The following DPYD variants were observed in gnomAD, a reference collection of about 807,000 sequenced individuals.
DPYD encodes dihydropyrimidine dehydrogenase, also known as dihydropyrimidine dehydrogenase [NADP(+)].
A neutral mutation model predicts 116.2 loss-of-function variants in DPYD; 109 were observed. That is an observed-to-expected ratio of 0.94 (90% CI 0.80 to 1.10). DPYD has a LOEUF of 1.10. Among genes scored for constraint, DPYD ranks in the 50% least tolerant of loss-of-function variants. The pLI is 0.00. For missense variants in DPYD, 1,302 were observed against 1,254.5 expected, an observed-to-expected ratio of 1.04 and a Z score of -0.57; for synonymous variants, 440 against 432.0, an observed-to-expected ratio of 1.02 and a Z score of -0.23.
intron 12 of DPYD, among the ~76,000 whole-genome samples, chr1:97,526,934 G>A (rs944277122): frequency 6.6e-6 from 1 of 152,044 alleles, no homozygotes; most frequent in Non-Finnish European, 1.5e-5. Context: ...CGATTTTTAA[G>A]GTATGCATTA....
chr1:97,712,425 T>A (rs1662342151), intron 5 of DPYD, among the ~76,000 whole-genome samples: 1 of 152,092 alleles, frequency 6.6e-6, no homozygotes, highest in African/African-American at 2.4e-5. Flanking sequence ...CCGTTGATTT[T>A]TTTATTTTAT....
chr1:97,266,868 T>G (rs1441281637), intron 18 of DPYD, among the ~76,000 whole-genome samples: 1 of 152,182 alleles, frequency 6.6e-6, no homozygotes, highest in Non-Finnish European at 1.5e-5. Flanking sequence ...CTCATCCTTT[T>G]TTATAGCTGC....
chr1:97,671,582 A>G (rs1659861326), intron 8 of DPYD, among the ~76,000 whole-genome samples: 1 of 152,130 alleles, frequency 6.6e-6, no homozygotes, highest in East Asian at 1.9e-4. Flanking sequence ...ATAATCTCAA[A>G]ATTTCTCAAC....
intron 2 of DPYD, chr1:97,856,264 G>A (rs754779467): frequency 6.6e-6 from 1 of 152,092 alleles, no homozygotes; most frequent in Non-Finnish European, 1.5e-5. Context: ...CTGAATCAAA[G>A]AAATGAAATA....
At chr1:97,695,947 T>A (rs538134170) in intron 6 of DPYD, among the ~76,000 whole-genome samples, 94 of 151,810 alleles carry the variant, frequency 6.2e-4, no homozygotes, top group Non-Finnish European at 1.3e-4. Flanking sequence ...CTGGCCAACA[T>A]GATGAAATCC....
intron 8 of DPYD, among the ~76,000 whole-genome samples, chr1:97,603,360 G>C (rs955492899): frequency 2.0e-5 from 3 of 152,164 alleles, no homozygotes; most frequent in African/African-American, 7.2e-5. Flanking sequence ...CTGCTGTGGA[G>C]ATGAGGCAGT....
At chr1:97,354,285 T>C (rs1670304204) in intron 16 of DPYD, among the ~76,000 whole-genome samples, 1 of 152,190 alleles carries the variant, frequency 6.6e-6, no homozygotes, top group African/African-American at 2.4e-5. Flanking sequence ...GCACTTTCTC[T>C]TTCTGTCCTC....
chr1:97,330,757 C>A (rs1668944357), intron 16 of DPYD, among the ~76,000 whole-genome samples: 1 of 152,066 alleles, frequency 6.6e-6, no homozygotes. Flanking sequence ...ACAAATTATC[C>A]ATTTGCTTTT....
At chr1:97,270,595 G>T (rs961921237) in intron 18 of DPYD, among the ~76,000 whole-genome samples, 4 of 152,094 alleles carry the variant, frequency 2.6e-5, no homozygotes, top group African/African-American at 9.7e-5. Context: ...ATAAACAATT[G>T]CTACATAAGG....
chr1:97,595,031 A>C, intron 9 of DPYD, 28 bp downstream of exon 9: 1 of 1,508,154 alleles, frequency 6.6e-7, no homozygotes, highest in Non-Finnish European at 9.2e-7. Flanking sequence ...CATACTCACT[A>C]TTAAGCATAA....
chr1:97,318,547 T>C (rs1017944319), intron 16 of DPYD, among the ~76,000 whole-genome samples: 3 of 152,002 alleles, frequency 2.0e-5, no homozygotes, highest in African/African-American at 7.2e-5. Flanking sequence ...TAAATATTTA[T>C]GCAACCAATA....
intron 8 of DPYD, among the ~76,000 whole-genome samples, chr1:97,607,650 G>A (rs1045138540): frequency 1.3e-5 from 2 of 151,662 alleles, no homozygotes; most frequent in African/African-American, 4.8e-5. Context: ...AGAAAAGGAA[G>A]CTAAAGGAGA....
At chr1:97,640,258 C>T (rs550213034) in intron 8 of DPYD, among the ~76,000 whole-genome samples, 1 of 152,018 alleles carries the variant, frequency 6.6e-6, no homozygotes, top group Non-Finnish European at 1.5e-5. Flanking sequence ...TTTATTATTG[C>T]TTCCAGCTTC....
intron 8 of DPYD, among the ~76,000 whole-genome samples, chr1:97,605,952 A>G (rs193114242): frequency 6.6e-6 from 1 of 152,284 alleles, no homozygotes. Context: ...AACTATGGAC[A>G]CTTTAAAACA....
At chr1:97,483,530 T>C (rs1236988116) in intron 13 of DPYD, among the ~76,000 whole-genome samples, 3 of 152,066 alleles carry the variant, frequency 2.0e-5, no homozygotes, top group East Asian at 1.9e-4. Flanking sequence ...TTAGGGAAGA[T>C]AGTTAACGCA....
chr1:97,078,682 A>C lies in DPYD; in HGVS notation c.*294T>G. On this transcript the variant is annotated 3_prime_UTR_variant, in exon 23 of 23. Transcript: ENST00000370192. ...GGAAACTGTCACACTAATTGCCACAAAAAAGTTAATTTTTCACATAAGACA... is the reference window on the plus strand; with the variant it reads ...GGAAACTGTCACACTAATTGCCACACAAAAGTTAATTTTTCACATAAGACA... The C allele has an allele frequency of 5.1e-6, 2 of 395,846 alleles. No homozygotes were observed. The highest frequency in any genetic ancestry group is 4.6e-5 in the South Asian group (2 of 43,736). The allele number at this position is 395,846 out of a possible 1,614,324, so 24.5% of individuals were successfully genotyped here.
chr1:97,513,945 A>AT (rs533873391), intron 13 of DPYD, among the ~76,000 whole-genome samples: 70 of 151,936 alleles, frequency 4.6e-4, no homozygotes, highest in African/African-American at 1.5e-3. Flanking sequence ...TGGCTTCATT[A>AT]TTTTTGTCAT....
At chr1:97,724,953 A>AAGAGAGAGAGAG (rs71590231) in intron 4 of DPYD, among the ~76,000 whole-genome samples, 1,212 of 118,854 alleles carry the variant, frequency 0.01, 21 homozygotes, top group African/African-American at 0.03. Context: ...GAGGGAAGGA[A>AAGAGAGAGAGAG]AGAGAGAGAG....
At chr1:97,462,434 C>T (rs767177528) in intron 13 of DPYD, among the ~76,000 whole-genome samples, 12 of 151,892 alleles carry the variant, frequency 7.9e-5, no homozygotes, top group Non-Finnish European at 1.6e-4. Context: ...ATTCTAAGCC[C>T]CCCAATCATA....
Sources: gnomAD v4.1 joint callset for allele counts (sites outside exome capture counted in the v4.1 genomes callset) on GRCh38, gnomAD v4.1.1 for gene constraint, MANE v1.5 for transcripts, NCBI Gene and HGNC (gene_info 2026-07-23, HGNC 2026-07-21) for gene names.